EPB41L4B: variants seen among roughly 807,000 people sequenced by gnomAD.
EPB41L4B encodes the protein erythrocyte membrane protein band 4.1 like 4B, also known as band 4.1-like protein 4B.
EPB41L4B carries 30 observed loss-of-function variants against 112.5 expected under a neutral mutation model. The observed-to-expected ratio is 0.27, with a 90% CI of 0.20 to 0.36. EPB41L4B has a LOEUF of 0.36. Among genes scored for constraint, EPB41L4B ranks in the 10% least tolerant of loss-of-function variants. EPB41L4B has a pLI of 1.00. For missense variants in EPB41L4B, 1,024 were observed against 1,133.3 expected, an observed-to-expected ratio of 0.90 and a Z score of 1.38; for synonymous variants, 408 against 439.7, an observed-to-expected ratio of 0.93 and a Z score of 0.90.
intron 6 of EPB41L4B, among the ~76,000 whole-genome samples, chr9:109,261,199 G>C (rs1245102046): frequency 6.6e-6 from 1 of 151,834 alleles, no homozygotes; most frequent in Non-Finnish European, 1.5e-5. Flanking sequence ...TGTCATATCA[G>C]AAAAATACAT....
chr9:109,217,043 A>G lies in EPB41L4B; in HGVS notation c.1512T>C (p.His504=), dbSNP rs750287974. ...GATGCTGATGCTGGTGCTGGTGGTG[A>G]TGCCTTCCTGAAGCTGCGGTGAGGA... The part of the protein sequence containing the change: ...TPFLTAASGR[H]HHQHQHQHQH... Residue 504 remains histidine (H), a synonymous_variant, in exon 16 of 26, where the codon CAT becomes CAC. Coordinates refer to ENST00000374566, the MANE Select transcript of EPB41L4B (RefSeq NM_019114.5). 4 of 1,614,182 alleles carry G rather than the reference A, an allele frequency of 2.5e-6. No individual in the cohort carries two copies. The South Asian group carries it at 4.4e-5, about 18-fold the overall frequency.
chr9:109,274,662 T>G (rs948491287), intron 2 of EPB41L4B, among the ~76,000 whole-genome samples: 2 of 152,180 alleles, frequency 1.3e-5, no homozygotes, highest in Non-Finnish European at 2.9e-5. Context: ...TATATATGTA[T>G]GTACGCATGA....
intron 15 of EPB41L4B, among the ~76,000 whole-genome samples, chr9:109,235,138 T>C (rs948495308): frequency 6.6e-6 from 1 of 152,224 alleles, no homozygotes; most frequent in Non-Finnish European, 1.5e-5. Context: ...ATTGTCCACA[T>C]TCTGCCTGGA....
At chr9:109,220,478 T>G (rs987660729) in intron 15 of EPB41L4B, among the ~76,000 whole-genome samples, 4 of 152,204 alleles carry the variant, frequency 2.6e-5, no homozygotes, top group Non-Finnish European at 5.9e-5. Flanking sequence ...GTTAGGAGAC[T>G]GCCGCAGGGC....
At chr9:109,234,275 T>A (rs1834061692) in intron 15 of EPB41L4B, among the ~76,000 whole-genome samples, 1 of 152,220 alleles carries the variant, frequency 6.6e-6, no homozygotes, top group Non-Finnish European at 1.5e-5. Flanking sequence ...CCTTTTAACC[T>A]GGATGCTACT....
At chr9:109,292,167 C>T (rs1331914781) in intron 1 of EPB41L4B, among the ~76,000 whole-genome samples, 1 of 152,206 alleles carries the variant, frequency 6.6e-6, no homozygotes. Context: ...CCAAACATGT[C>T]TAACACCAGT....
At chr9:109,176,050 GCA>G (rs58215877) in intron 25 of EPB41L4B, among the ~76,000 whole-genome samples, 3,801 of 32,842 alleles carry the variant, frequency 0.12, 67 homozygotes, top group Non-Finnish European at 0.14. Context: ...TCACACACAC[GCA>G]CACACACACA....
chr9:109,214,544 T>C (rs1415752702), intron 16 of EPB41L4B, among the ~76,000 whole-genome samples: 1 of 152,130 alleles, frequency 6.6e-6, no homozygotes, highest in Non-Finnish European at 1.5e-5. Flanking sequence ...TGAGGATGGG[T>C]GTTAGAGAAC....
intron 18 of EPB41L4B, 124 bp downstream of exon 18, chr9:109,207,800 G>T: frequency 8.3e-7 from 1 of 1,208,336 alleles, no homozygotes; most frequent in Non-Finnish European, 1.2e-6. Context: ...CACATGCCCG[G>T]TTCTCATCTC....
At chr9:109,209,162 G>A (rs974759298) in intron 17 of EPB41L4B, among the ~76,000 whole-genome samples, 1 of 152,104 alleles carries the variant, frequency 6.6e-6, no homozygotes, top group African/African-American at 2.4e-5. Flanking sequence ...CACACTAAGT[G>A]CTATGAAAGC....
rs141495950 is a variant in EPB41L4B, at chr9:109,270,922, C to T, written c.412-2489G>A. Among the ~76,000 whole-genome samples, 709 of 152,310 alleles carry T rather than the reference C, an allele frequency of 4.7e-3. 4 individuals are homozygous for T. The highest frequency in any genetic ancestry group is 0.017 in the African/African-American group (689 of 41,566). On this transcript the variant is annotated intron_variant, in intron 2 of 25. Transcript: ENST00000374566. Reference sequence around the variant, plus strand: ...AGACTCATTAAACAGAGTCTCAGAGCATCAGTTTTCATAAATGCTTCCAGT... The same window carrying T: ...AGACTCATTAAACAGAGTCTCAGAGTATCAGTTTTCATAAATGCTTCCAGT...
intron 13 of EPB41L4B, among the ~76,000 whole-genome samples, chr9:109,251,052 T>C (rs1834769876): frequency 6.6e-6 from 1 of 152,202 alleles, no homozygotes; most frequent in African/African-American, 2.4e-5. Context: ...CCTGCAGGAA[T>C]TTCAGTAAAG....
intron 20 of EPB41L4B, among the ~76,000 whole-genome samples, chr9:109,197,265 A>G (rs927450010): frequency 2.0e-5 from 3 of 152,008 alleles, no homozygotes; most frequent in African/African-American, 7.2e-5. Flanking sequence ...TCTACTAAAA[A>G]CACAAAAATT....
chr9:109,276,738 G>A (rs1835845851), intron 2 of EPB41L4B, among the ~76,000 whole-genome samples: 1 of 152,224 alleles, frequency 6.6e-6, no homozygotes, highest in Non-Finnish European at 1.5e-5. Context: ...CATGGCAAAG[G>A]CCTTCATAAT....
chr9:109,241,572 C>T, intron 15 of EPB41L4B: 1 of 1,576,548 alleles, frequency 6.3e-7, no homozygotes, highest in South Asian at 1.2e-5. Flanking sequence ...AGACACTCGT[C>T]CAAACACATC....
chr9:109,222,565 C>T (rs1833617135), intron 15 of EPB41L4B, among the ~76,000 whole-genome samples: 1 of 152,206 alleles, frequency 6.6e-6, no homozygotes, highest in Non-Finnish European at 1.5e-5. Flanking sequence ...GAGACCTTGG[C>T]TAAGGCCCAG....
At chr9:109,242,723 C>A (rs1834395815) in intron 15 of EPB41L4B, among the ~76,000 whole-genome samples, 1 of 152,010 alleles carries the variant, frequency 6.6e-6, no homozygotes, top group African/African-American at 2.4e-5. Flanking sequence ...GGCTAGCAAC[C>A]TCACCTTTAT....
chr9:109,208,163 G>T, intron 17 of EPB41L4B, 114 bp from the exon 18 acceptor site: 1 of 1,243,266 alleles, frequency 8.0e-7, no homozygotes. Context: ...CATAGACAGG[G>T]GTGTCACCAA....
intron 17 of EPB41L4B, among the ~76,000 whole-genome samples, chr9:109,211,966 C>T (rs1409216955): frequency 1.3e-5 from 2 of 151,978 alleles, no homozygotes; most frequent in African/African-American, 4.8e-5. Context: ...GAGATCCACC[C>T]GCCTTAGCCT....
Sources: gnomAD v4.1 joint callset for allele counts (sites outside exome capture counted in the v4.1 genomes callset) on GRCh38, gnomAD v4.1.1 for gene constraint, MANE v1.5 for transcripts, NCBI Gene and HGNC (gene_info 2026-07-23, HGNC 2026-07-21) for gene names.